Variants in PDIA5 observed in about 807,000 individuals in gnomAD.
The protein encoded by PDIA5 is protein disulfide-isomerase A5.
Under a neutral mutation model 77.6 loss-of-function variants are expected in PDIA5, and 58 were observed. The ratio of observed to expected loss-of-function variants is 0.75; its 90% confidence interval spans 0.61 to 0.93. PDIA5 has a LOEUF of 0.93. PDIA5 is among the 40% of genes least tolerant of loss of function. PDIA5 has a pLI of 0.00. For synonymous variants in PDIA5, 250 were observed against 252.1 expected, an observed-to-expected ratio of 0.99 and a Z score of 0.08; for missense variants, 630 against 647.7, an observed-to-expected ratio of 0.97 and a Z score of 0.30.
chr3:123,125,342 AG>A (rs1372008955), intron 10 of PDIA5, among the ~76,000 whole-genome samples: 8 of 152,302 alleles, frequency 5.3e-5, no homozygotes, highest in Non-Finnish European at 1.0e-4. Context: ...CAGCACTGTA[AG>A]GAAGATGTTA....
chr3:123,153,939 G>A (rs1411646711), intron 14 of PDIA5, among the ~76,000 whole-genome samples: 2 of 152,224 alleles, frequency 1.3e-5, no homozygotes, highest in African/African-American at 2.4e-5. Flanking sequence ...GGTGTGGGCT[G>A]GAGCCTCCCC....
intron 8 of PDIA5, among the ~76,000 whole-genome samples, chr3:123,121,867 A>G (rs984635627): frequency 6.6e-6 from 1 of 152,250 alleles, no homozygotes; most frequent in East Asian, 1.9e-4. Context: ...AGTGAGACGC[A>G]GAGACAACTG....
chr3:123,152,051 G>C (rs36195540), intron 14 of PDIA5, among the ~76,000 whole-genome samples: 1 of 89,330 alleles, frequency 1.1e-5, no homozygotes. Flanking sequence ...CTTCCTGCCT[G>C]CCTTCCTTCC....
At position 123,150,272 on chromosome 3, in the gene PDIA5, A is replaced by G. The variant is rs780752825; in HGVS notation, c.1181A>G (p.Glu394Gly). 1.2e-6 allele frequency: 2 copies of G among 1,613,216 alleles called. No homozygotes were observed. Among genetic ancestry groups the G allele is most frequent in the Non-Finnish European group, 1.7e-6 (2 of 1,179,476 alleles). ...APPPPEPTWE[E>G]QQTSVLHLVG... ...CCGCCCCCAGAGCCCACGTGGGAAG[A>G]GCAGCAGACAAGCGTGTTGCACCTG... is the stretch of plus-strand genomic sequence containing the variant. Residue 394 changes from glutamate (E) to glycine (G), a missense_variant, in exon 14 of 17, where the codon GAG (glutamate) becomes GGG (glycine). Transcript: ENST00000316218.
At chr3:123,116,386 T>G in intron 8 of PDIA5, 88 bp downstream of exon 8, 2 of 1,007,118 alleles carry the variant, frequency 2.0e-6, no homozygotes, top group Non-Finnish European at 3.1e-6. Context: ...GGACAGGTTT[T>G]GAAATGGTGA....
chr3:123,074,070 C>T (rs1290374073), intron 1 of PDIA5, among the ~76,000 whole-genome samples: 1 of 152,210 alleles, frequency 6.6e-6, no homozygotes. Flanking sequence ...AGTATTAGTA[C>T]ATGCCCCTAT....
In PDIA5 at chr3:123,128,629, T is replaced by G. The variant is rs146976623; in HGVS notation, c.774-1851T>G. Among the ~76,000 whole-genome samples, 297 of 152,316 alleles carry G rather than the reference T, an allele frequency of 1.9e-3. 2 individuals are homozygous for G. The highest frequency in any genetic ancestry group is 6.6e-3 in the African/African-American group (273 of 41,574). ...CTCAAGCGATCCTCCCACCTCAGCC[T>G]CCTGAGTAGCTGGGACTACAGGCAC... On this transcript the variant is annotated intron_variant, in intron 10 of 16. Coordinates refer to ENST00000316218, the MANE Select transcript of PDIA5 (RefSeq NM_006810.4).
intron 3 of PDIA5, among the ~76,000 whole-genome samples, chr3:123,095,004 G>C (rs766072749): frequency 1.3e-5 from 2 of 152,162 alleles, no homozygotes; most frequent in Non-Finnish European, 2.9e-5. Flanking sequence ...CCAGTGTTGA[G>C]GTGTCTTTGC....
chr3:123,076,874 A>C (rs1216731875), intron 1 of PDIA5, among the ~76,000 whole-genome samples: 1 of 152,228 alleles, frequency 6.6e-6, no homozygotes, highest in Non-Finnish European at 1.5e-5. Context: ...GTCCTGGCTA[A>C]ATGCACTGCA....
intron 15 of PDIA5, among the ~76,000 whole-genome samples, chr3:123,159,419 G>T (rs987808943): frequency 6.6e-6 from 1 of 152,208 alleles, no homozygotes; most frequent in Non-Finnish European, 1.5e-5. Flanking sequence ...CTGCTGGCCT[G>T]GGTGAACTGG....
At chr3:123,121,218 G>A (rs902860921) in intron 8 of PDIA5, among the ~76,000 whole-genome samples, 1 of 152,120 alleles carries the variant, frequency 6.6e-6, no homozygotes, top group African/African-American at 2.4e-5. Flanking sequence ...CCCCATCCCG[G>A]GACGTCTGTT....
chr3:123,160,259 T>G (rs565424811), intron 15 of PDIA5, among the ~76,000 whole-genome samples: 1 of 152,334 alleles, frequency 6.6e-6, no homozygotes, highest in South Asian at 2.1e-4. Context: ...CTTCTCGGGC[T>G]TCCCTGGTGC....
intron 7 of PDIA5, among the ~76,000 whole-genome samples, chr3:123,111,812 T>C (rs1004043324): frequency 6.6e-6 from 1 of 152,226 alleles, no homozygotes; most frequent in Non-Finnish European, 1.5e-5. Flanking sequence ...GCAAAACCAC[T>C]CTTGCCCTTA....
At chr3:123,123,899 C>CGGCTGGCTT (rs1560534117) in intron 8 of PDIA5, among the ~76,000 whole-genome samples, 167 bp from the exon 9 acceptor site, 2 of 152,220 alleles carry the variant, frequency 1.3e-5, no homozygotes, top group Admixed American at 6.5e-5. Flanking sequence ...TCATGATTCC[C>CGGCTGGCTT]GGCTGGCTTC....
intron 11 of PDIA5, among the ~76,000 whole-genome samples, chr3:123,143,070 A>C (rs1428355353): frequency 5.3e-5 from 8 of 151,874 alleles, no homozygotes; most frequent in African/African-American, 1.7e-4. Context: ...GTAAAAAAAA[A>C]CCTCAGGTCC....
At chr3:123,135,745 C>CTTTTTTTTTTTT (rs766560888) in intron 11 of PDIA5, among the ~76,000 whole-genome samples, 3 of 80,466 alleles carry the variant, frequency 3.7e-5, no homozygotes, top group African/African-American at 1.6e-4. Context: ...GAGGTAACAA[C>CTTTTTTTTTTTT]TTTTTTTTTT....
At chr3:123,120,239 A>G (rs889756650) in intron 8 of PDIA5, among the ~76,000 whole-genome samples, 10 of 152,176 alleles carry the variant, frequency 6.6e-5, no homozygotes, top group African/African-American at 2.4e-4. Flanking sequence ...ATGACGACAG[A>G]TTTGTACAGA....
Position 123,089,274 on chromosome 3 carries a change from T to G in PDIA5, c.149T>G (p.Leu50Arg). 1 of 1,613,978 alleles carries G rather than the reference T, an allele frequency of 6.2e-7. No homozygotes were observed. The highest frequency in any genetic ancestry group is 8.5e-7 in the Non-Finnish European group (1 of 1,179,812). Residue 50 changes from leucine (L) to arginine (R), a missense_variant, in exon 2 of 17, where the codon CTG becomes CGG. Transcript: ENST00000316218. ...CTGCTCAGAACCCGGAATAATGTAC[T>G]GGTGCTTTACTCCAAATCTGGTGAG... ...KKLLRTRNNV[L>R]VLYSKSEVAA...
chr3:123,118,029 T>G (rs1935033969), intron 8 of PDIA5, among the ~76,000 whole-genome samples: 1 of 152,350 alleles, frequency 6.6e-6, no homozygotes, highest in South Asian at 2.1e-4. Context: ...ATGATCTTTG[T>G]GGATCAAATT....
Sources: gnomAD v4.1 joint callset for allele counts (sites outside exome capture counted in the v4.1 genomes callset) on GRCh38, gnomAD v4.1.1 for gene constraint, MANE v1.5 for transcripts, NCBI Gene and HGNC (gene_info 2026-07-23, HGNC 2026-07-21) for gene names.